KCNN2: variants seen among roughly 807,000 people sequenced by gnomAD.
KCNN2 encodes potassium calcium-activated channel subfamily N member 2, also known as small conductance calcium-activated potassium channel protein 2.
KCNN2 carries 24 observed loss-of-function variants against 55.5 expected under a neutral mutation model. The observed-to-expected ratio is 0.43, with a 90% CI of 0.31 to 0.61. The LOEUF is 0.61. KCNN2 is among the 20% of genes least tolerant of loss of function. KCNN2 has a pLI of 0.08. For synonymous variants in KCNN2, 431 were observed against 336.1 expected (o/e 1.28, Z -3.09); for missense variants, 754 against 853.6 (o/e 0.88, Z 1.45).
chr5:114,115,063 G>A (rs1751684138), intron 1 of KCNN2, among the ~76,000 whole-genome samples: 1 of 152,072 alleles, frequency 6.6e-6, no homozygotes. Context: ...GTGGTGACAT[G>A]GTGAAGTTCT....
At chr5:114,288,029 A>G (rs1344457352) in intron 2 of KCNN2, among the ~76,000 whole-genome samples, 1 of 152,210 alleles carries the variant, frequency 6.6e-6, no homozygotes, top group Non-Finnish European at 1.5e-5. Context: ...ATCCTCTTCC[A>G]CTACTCGCTG....
chr5:114,064,428 A>G (rs978936072), intron 1 of KCNN2, among the ~76,000 whole-genome samples: 4 of 152,158 alleles, frequency 2.6e-5, no homozygotes, highest in African/African-American at 9.7e-5. Context: ...GAACCATTCA[A>G]AGTCCACAGT....
intron 1 of KCNN2, among the ~76,000 whole-genome samples, chr5:114,088,901 G>A (rs568012865): frequency 1.3e-5 from 2 of 152,300 alleles, no homozygotes; most frequent in African/African-American, 2.4e-5. Flanking sequence ...GATTACAGGC[G>A]TGAGCCACTG....
intron 1 of KCNN2, among the ~76,000 whole-genome samples, chr5:114,102,669 C>G (rs1751396406): frequency 2.0e-5 from 3 of 152,100 alleles, no homozygotes; most frequent in Non-Finnish European, 4.4e-5. Flanking sequence ...ATCCAGTTTT[C>G]CCAACACCAC....
intron 3 of KCNN2, among the ~76,000 whole-genome samples, chr5:114,415,124 G>A (rs974454418): frequency 6.6e-6 from 1 of 152,142 alleles, no homozygotes; most frequent in African/African-American, 2.4e-5. Flanking sequence ...TTTGATGTTT[G>A]CCTATGTTGT....
At chr5:114,164,587 T>C (rs1752868449) in intron 1 of KCNN2, among the ~76,000 whole-genome samples, 1 of 152,140 alleles carries the variant, frequency 6.6e-6, no homozygotes, top group Non-Finnish European at 1.5e-5. Flanking sequence ...AACAATAATA[T>C]AATTGTCTCC....
chr5:114,388,367 T>C (rs1758348967), intron 2 of KCNN2, among the ~76,000 whole-genome samples: 1 of 152,198 alleles, frequency 6.6e-6, no homozygotes, highest in South Asian at 2.1e-4. Context: ...TTAGCAAATA[T>C]GTATATTTAA....
chr5:114,350,548 C>T (rs902239228), intron 2 of KCNN2, among the ~76,000 whole-genome samples: 1 of 151,898 alleles, frequency 6.6e-6, no homozygotes, highest in Non-Finnish European at 1.5e-5. Flanking sequence ...GTCACAAGCT[C>T]ACAATGATTC....
chr5:114,102,535 C>T (rs11950385), intron 1 of KCNN2, among the ~76,000 whole-genome samples: 1 of 151,812 alleles, frequency 6.6e-6, no homozygotes, highest in East Asian at 1.9e-4. Context: ...GAATGGTATT[C>T]CCTAGGTTTT....
intron 2 of KCNN2, among the ~76,000 whole-genome samples, chr5:114,374,471 T>C (rs1757875535): frequency 1.3e-5 from 2 of 152,080 alleles, no homozygotes; most frequent in South Asian, 2.1e-4. Flanking sequence ...CTGGTGAGAG[T>C]TTTGTTTTCT....
At chr5:114,490,086 G>C (rs555712688) in intron 6 of KCNN2, among the ~76,000 whole-genome samples, 1 of 152,148 alleles carries the variant, frequency 6.6e-6, no homozygotes, top group African/African-American at 2.4e-5. Context: ...TTAGTGTCGT[G>C]AAGTGTTCTC....
chr5:114,413,310 G>A (rs557741283), intron 3 of KCNN2, among the ~76,000 whole-genome samples: 50 of 152,212 alleles, frequency 3.3e-4, no homozygotes, highest in African/African-American at 1.2e-3. Flanking sequence ...TTGAGTTGGA[G>A]TCTTGCTCTT....
intron 1 of KCNN2, among the ~76,000 whole-genome samples, chr5:114,160,659 A>C (rs970346197): frequency 1.2e-4 from 18 of 152,068 alleles, no homozygotes; most frequent in African/African-American, 1.9e-4. Flanking sequence ...GTAGGTCACT[A>C]AGGACTTGCT....
At chr5:114,278,427 C>T (rs1755538526) in intron 2 of KCNN2, among the ~76,000 whole-genome samples, 1 of 152,240 alleles carries the variant, frequency 6.6e-6, no homozygotes, top group Non-Finnish European at 1.5e-5. Context: ...TGTCTGCTGT[C>T]TTTTGTTCAG....
chr5:114,127,977 G>T (rs1479626319), intron 1 of KCNN2, among the ~76,000 whole-genome samples: 1 of 152,072 alleles, frequency 6.6e-6, no homozygotes, highest in Non-Finnish European at 1.5e-5. Flanking sequence ...ACTTTATTGT[G>T]TATATCACTA....
intron 6 of KCNN2, among the ~76,000 whole-genome samples, chr5:114,492,399 T>C (rs930162332): frequency 2.6e-5 from 4 of 152,156 alleles, no homozygotes; most frequent in African/African-American, 9.7e-5. Context: ...TTGGCATGAC[T>C]TTTTGTTTGT....
intron 2 of KCNN2, among the ~76,000 whole-genome samples, chr5:114,313,681 C>T (rs1756448276): frequency 6.6e-6 from 1 of 152,096 alleles, no homozygotes; most frequent in Admixed American, 6.6e-5. Context: ...TCATCTTTTT[C>T]CTTCTTGGAT....
intron 2 of KCNN2, among the ~76,000 whole-genome samples, chr5:114,277,618 T>G (rs536017581): frequency 8.5e-5 from 13 of 152,358 alleles, no homozygotes; most frequent in African/African-American, 3.1e-4. Flanking sequence ...TTTCTTTTGC[T>G]TGATCAAATC....
At chr5:114,282,480 A>G (rs1284333491) in intron 2 of KCNN2, among the ~76,000 whole-genome samples, 1 of 152,152 alleles carries the variant, frequency 6.6e-6, no homozygotes, top group East Asian at 1.9e-4. Flanking sequence ...AATTAGTAAT[A>G]CAATCATATT....
Sources: gnomAD v4.1 joint callset for allele counts (sites outside exome capture counted in the v4.1 genomes callset) on GRCh38, gnomAD v4.1.1 for gene constraint, MANE v1.5 for transcripts, NCBI Gene and HGNC (gene_info 2026-07-23, HGNC 2026-07-21) for gene names.